Variants in GSE1 observed in about 807,000 individuals in gnomAD.
GSE1 encodes genetic suppressor element 1.
Under a neutral mutation model 112.6 loss-of-function variants are expected in GSE1, and 32 were observed. The observed-to-expected ratio is 0.28, with a 90% CI of 0.21 to 0.38. The LOEUF (loss-of-function observed/expected upper bound fraction) is 0.38, where lower values mean the gene tolerates loss of function less well. Ranked by LOEUF, GSE1 falls within the 10% of genes least tolerant of loss-of-function variation. The probability of loss-of-function intolerance (pLI) is 1.00; values close to 1 mark genes in which losing one functional copy is unlikely to be tolerated. For missense variants in GSE1, 2,348 were observed against 1,699.2 expected (o/e 1.38, Z -6.71); for synonymous variants, 1,115 against 735.6 (o/e 1.52, Z -8.35).
chr16:85,209,743 G>A (rs561614978), intron 1 of GSE1, among the ~76,000 whole-genome samples: 8 of 152,188 alleles, frequency 5.3e-5, no homozygotes, highest in Non-Finnish European at 1.0e-4. Flanking sequence ...CTGGCAGGCC[G>A]CCTGACGTTG....
At chr16:85,663,240 C>A in intron 10 of GSE1, 104 bp from the exon 11 acceptor site, 1 of 1,389,592 alleles carries the variant, frequency 7.2e-7, no homozygotes, top group South Asian at 1.2e-5. Context: ...CAGGCGCAGC[C>A]AGCTACGGCC....
At chr16:85,640,176 T>G (rs1417763266) in intron 2 of GSE1, among the ~76,000 whole-genome samples, 1 of 152,036 alleles carries the variant, frequency 6.6e-6, no homozygotes, top group African/African-American at 2.4e-5. Context: ...CACAAGAGTC[T>G]GAGCCCGTTC....
At chr16:85,425,346 G>C (rs1776385040) in intron 2 of GSE1, among the ~76,000 whole-genome samples, 4 of 66,588 alleles carry the variant, frequency 6.0e-5, no homozygotes, top group African/African-American at 1.4e-4. Context: ...CCCACCCCCA[G>C]GGCCAAGGGA....
intron 1 of GSE1, among the ~76,000 whole-genome samples, chr16:85,228,728 T>A (rs919839442): frequency 1.3e-5 from 2 of 151,908 alleles, no homozygotes; most frequent in African/African-American, 4.8e-5. Flanking sequence ...CGTGGCTGGG[T>A]GGCTTTGGAA....
At chr16:85,494,832 T>A (rs2051119516) in intron 2 of GSE1, among the ~76,000 whole-genome samples, 1 of 152,236 alleles carries the variant, frequency 6.6e-6, no homozygotes, top group Non-Finnish European at 1.5e-5. Flanking sequence ...GTTCTTCTGA[T>A]GAGGAAGCCA....
At chr16:85,587,482 G>C (rs1322153904) in intron 1 of GSE1, among the ~76,000 whole-genome samples, 1 of 152,200 alleles carries the variant, frequency 6.6e-6, no homozygotes, top group African/African-American at 2.4e-5. Flanking sequence ...CTTCAGAGGG[G>C]GAGGGGGAGG....
intron 1 of GSE1, among the ~76,000 whole-genome samples, chr16:85,576,722 G>A (rs1388303047): frequency 6.6e-6 from 1 of 152,190 alleles, no homozygotes; most frequent in South Asian, 2.1e-4. Flanking sequence ...GTCCAGGAGG[G>A]ACTAAAAGCA....
chr16:85,672,769 G>A lies in GSE1; in HGVS notation c.*230G>A. 1 of 349,034 alleles carries A rather than the reference G, an allele frequency of 2.9e-6. No homozygotes were observed. Among genetic ancestry groups the A allele is most frequent in the Non-Finnish European group, 5.2e-6 (1 of 193,296 alleles). The allele number at this position is 349,034 out of a possible 1,614,324, so 21.6% of individuals were successfully genotyped here. On this transcript the variant is annotated 3_prime_UTR_variant, in exon 16 of 16. Coordinates refer to ENST00000253458, the MANE Select transcript of GSE1 (RefSeq NM_014615.5). ...AGCAACCAATGTAGGATTGCCCACA[G>A]TTTTTCTTTTTAAAGGTGGTTTTCG... is the stretch of plus-strand genomic sequence containing the variant.
At position 85,672,628 on chromosome 16, in the gene GSE1, T is replaced by C. The variant is rs1249660920; in HGVS notation, c.*89T>C. ...TATTTAATATTTTTCACTGGGAGGT[T>C]TGAAGCTTACAAAATGAGAATGTGC... On this transcript the variant is annotated 3_prime_UTR_variant, in exon 16 of 16. Transcript: ENST00000253458. 9 of 954,932 alleles carry C rather than the reference T, an allele frequency of 9.4e-6. No individual in the cohort carries two copies. Among genetic ancestry groups the C allele is most frequent in the East Asian group, 5.6e-5 (2 of 35,406 alleles). 59.2% of individuals were successfully genotyped at this position (954,932 alleles called of 1,614,324 possible). A position where few individuals can be genotyped will look rare whatever the true frequency, so the allele number is the denominator to read the frequency against.
intron 1 of GSE1, among the ~76,000 whole-genome samples, chr16:85,557,499 C>T (rs1419238499): frequency 6.6e-6 from 1 of 151,802 alleles, no homozygotes; most frequent in Non-Finnish European, 1.5e-5. Flanking sequence ...GCAGAAGACG[C>T]TGCCCTGGAG....
rs74031900 is a variant in GSE1 at position 85,637,522 on chromosome 16, A to G, written c.226+3390A>G. On this transcript the variant is annotated intron_variant, in intron 2 of 15. Transcript: ENST00000253458. ...TCCCCCCTTGATCGCGGCAGTGGCTATGTATTGAGTCCCCCCTTGATCGCG... is the reference window on the plus strand; with the variant it reads ...TCCCCCCTTGATCGCGGCAGTGGCTGTGTATTGAGTCCCCCCTTGATCGCG... Among the ~76,000 whole-genome samples the G allele has an allele frequency of 7.4e-3, 1,126 of 151,366 alleles. 17 individuals carry two copies. Among genetic ancestry groups the G allele is most frequent in the African/African-American group, 0.026 (1,073 of 41,188 alleles).
At chr16:85,372,055 C>T (rs1381277719) in intron 2 of GSE1, among the ~76,000 whole-genome samples, 4 of 152,168 alleles carry the variant, frequency 2.6e-5, no homozygotes, top group Non-Finnish European at 4.4e-5. Flanking sequence ...CCCTGGTGCT[C>T]CTAGTTCCCT....
rs1341767905 is a variant in GSE1, at chr16:85,496,379, T to A, written c.2465-137535T>A. On this transcript the variant is annotated intron_variant, in intron 2 of 2. Transcript: ENST00000637419. ...GCCGAGCACCGCTGGGACCCAACAG[T>A]GTTGAAAACGAGATTCACAGAGAGC... is the stretch of plus-strand genomic sequence containing the variant. 2.0e-5 allele frequency among the ~76,000 whole-genome samples: 3 copies of A among 152,126 alleles called. No individual in the cohort carries two copies. In the East Asian group the frequency reaches 5.8e-4, roughly 29 times the overall value.
chr16:85,243,242 G>T (rs746629928), intron 1 of GSE1, among the ~76,000 whole-genome samples: 1 of 152,344 alleles, frequency 6.6e-6, no homozygotes, highest in Non-Finnish European at 1.5e-5. Flanking sequence ...CTTCAGTTCT[G>T]CAAGTCCAAA....
intron 1 of GSE1, among the ~76,000 whole-genome samples, chr16:85,280,767 G>T (rs904008312): frequency 6.6e-6 from 1 of 152,186 alleles, no homozygotes; most frequent in African/African-American, 2.4e-5. Context: ...TGTCACCTTT[G>T]CCTCCTTGCA....
At chr16:85,584,226 G>A (rs1374476062) in intron 1 of GSE1, among the ~76,000 whole-genome samples, 7 of 152,134 alleles carry the variant, frequency 4.6e-5, no homozygotes, top group Non-Finnish European at 2.9e-5. Flanking sequence ...AGGCTGGTTC[G>A]GGGCCCCTGG....
At chr16:85,647,553 C>T (rs1019289930) in intron 2 of GSE1, among the ~76,000 whole-genome samples, 17 of 152,212 alleles carry the variant, frequency 1.1e-4, no homozygotes, top group Admixed American at 6.5e-4. Flanking sequence ...CGCACTGCAT[C>T]CCTGCTTGGC....
chr16:85,667,547 C>G (rs2052971625), intron 13 of GSE1, among the ~76,000 whole-genome samples: 1 of 152,182 alleles, frequency 6.6e-6, no homozygotes, highest in Non-Finnish European at 1.5e-5. Flanking sequence ...TGAGGGCTGA[C>G]TATAGACCAA....
At chr16:85,421,424 C>G (rs1173059087) in intron 2 of GSE1, among the ~76,000 whole-genome samples, 1 of 152,194 alleles carries the variant, frequency 6.6e-6, no homozygotes, top group African/African-American at 2.4e-5. Context: ...AGGGGCTCCA[C>G]CGCCTCATTC....
Sources: allele counts gnomAD v4.1 joint callset (sites outside exome capture counted in the v4.1 genomes callset), GRCh38; gene constraint gnomAD v4.1.1; transcripts MANE v1.5; gene names NCBI Gene and HGNC (gene_info 2026-07-23, HGNC 2026-07-21).